PDIA5: variants seen among roughly 807,000 people sequenced by gnomAD.
The protein encoded by PDIA5 is protein disulfide-isomerase A5.
PDIA5 carries 58 observed loss-of-function variants against 77.6 expected under a neutral mutation model. That is an observed-to-expected ratio of 0.75 (90% CI 0.61 to 0.93). The LOEUF (loss-of-function observed/expected upper bound fraction) is 0.93, where lower values mean the gene tolerates loss of function less well. Among genes scored for constraint, PDIA5 ranks in the 40% least tolerant of loss-of-function variants. The pLI, the probability that PDIA5 is intolerant of heterozygous loss-of-function variation, is 0.00. For synonymous variants in PDIA5, 250 were observed against 252.1 expected (o/e 0.99, Z 0.08); for missense variants, 630 against 647.7 (o/e 0.97, Z 0.30).
At chr3:123,099,941 G>A (rs780102144) in intron 3 of PDIA5, among the ~76,000 whole-genome samples, 13 of 152,256 alleles carry the variant, frequency 8.5e-5, no homozygotes, top group Admixed American at 8.5e-4. Context: ...TGAGCCCCCA[G>A]GCAGGAACTG....
intron 5 of PDIA5, among the ~76,000 whole-genome samples, chr3:123,106,329 C>G (rs142537539): frequency 6.0e-4 from 91 of 152,344 alleles, no homozygotes; most frequent in African/African-American, 2.1e-3. Context: ...GGAAATGTCT[C>G]CTTTGGACAA....
At chr3:123,107,684 T>C (rs1934768547) in intron 6 of PDIA5, among the ~76,000 whole-genome samples, 2 of 152,222 alleles carry the variant, frequency 1.3e-5, no homozygotes, top group African/African-American at 4.8e-5. Context: ...CCAGATGGTC[T>C]GTGAGGCAAG....
intron 3 of PDIA5, among the ~76,000 whole-genome samples, chr3:123,093,718 A>G (rs1023134166): frequency 1.3e-5 from 2 of 152,230 alleles, no homozygotes; most frequent in Non-Finnish European, 2.9e-5. Flanking sequence ...CCCAGCGATT[A>G]CAATGTCAGG....
chr3:123,124,235 C>G, intron 9 of PDIA5, 37 bp from the exon 10 acceptor site: 1 of 1,586,620 alleles, frequency 6.3e-7, no homozygotes, highest in Non-Finnish European at 8.7e-7. Context: ...CATTTGCATC[C>G]GTGACTGAGC....
intron 1 of PDIA5, among the ~76,000 whole-genome samples, chr3:123,071,583 A>G (rs1933724132): frequency 6.6e-6 from 1 of 152,250 alleles, no homozygotes; most frequent in Non-Finnish European, 1.5e-5. Flanking sequence ...AGAAATAAAC[A>G]CATTACAGCG....
At chr3:123,090,443 G>T (rs995225497) in intron 2 of PDIA5, among the ~76,000 whole-genome samples, 10 of 152,182 alleles carry the variant, frequency 6.6e-5, no homozygotes, top group South Asian at 4.1e-4. Context: ...CATCATATAA[G>T]CTCATCATAA....
At chr3:123,130,680 C>T (rs1260074150) in intron 11 of PDIA5, 64 bp downstream of exon 11, 12 of 1,558,570 alleles carry the variant, frequency 7.7e-6, no homozygotes, top group African/African-American at 5.4e-5. Flanking sequence ...ATGAGTGTGG[C>T]GCTTTGCAAT....
chr3:123,116,540 T>C (rs2107948171), intron 8 of PDIA5, among the ~76,000 whole-genome samples: 1 of 152,206 alleles, frequency 6.6e-6, no homozygotes, highest in Non-Finnish European at 1.5e-5. Flanking sequence ...AGTGATGAAA[T>C]AGGACACCAG....
intron 3 of PDIA5, among the ~76,000 whole-genome samples, chr3:123,098,846 C>T (rs1210781970): frequency 1.3e-5 from 2 of 152,214 alleles, no homozygotes; most frequent in Non-Finnish European, 2.9e-5. Flanking sequence ...CAAAGCATCT[C>T]GTTTTCCTGC....
chr3:123,149,830 A>G (rs376832220), intron 13 of PDIA5, among the ~76,000 whole-genome samples: 7 of 152,262 alleles, frequency 4.6e-5, no homozygotes, highest in East Asian at 3.9e-4. Flanking sequence ...GCTCTCCACC[A>G]GAACAGAAGC....
chr3:123,147,977 A>G (rs1223914454), intron 13 of PDIA5, among the ~76,000 whole-genome samples: 1 of 152,180 alleles, frequency 6.6e-6, no homozygotes, highest in Non-Finnish European at 1.5e-5. Context: ...AGCGAGCATG[A>G]GGGGCCTCTG....
chr3:123,126,236 C>T (rs1471706659), intron 10 of PDIA5, among the ~76,000 whole-genome samples: 1 of 151,952 alleles, frequency 6.6e-6, no homozygotes, highest in Non-Finnish European at 1.5e-5. Flanking sequence ...TCTCGGCACA[C>T]CCCATCCCGG....
At chr3:123,153,827 T>C (rs1935963503) in intron 14 of PDIA5, among the ~76,000 whole-genome samples, 1 of 152,260 alleles carries the variant, frequency 6.6e-6, no homozygotes, top group Non-Finnish European at 1.5e-5. Context: ...CCAGTCATTA[T>C]TATCTTATTT....
At chr3:123,102,870 T>A in intron 5 of PDIA5, 74 bp downstream of exon 5, 5 of 981,338 alleles carry the variant, frequency 5.1e-6, no homozygotes, top group East Asian at 2.4e-5. Context: ...GTTTTCTCTC[T>A]GAGAAAAGAA....
chr3:123,075,850 A>G (rs975239550), intron 1 of PDIA5, among the ~76,000 whole-genome samples: 1 of 147,802 alleles, frequency 6.8e-6, no homozygotes, highest in Non-Finnish European at 1.5e-5. Flanking sequence ...GTAAAGCTAC[A>G]AAACTAGACA....
chr3:123,146,005 C>T (rs948525660), intron 12 of PDIA5, 94 bp from the exon 13 acceptor site: 19 of 1,205,012 alleles, frequency 1.6e-5, no homozygotes, highest in Non-Finnish European at 2.1e-5. Context: ...CCAGCAGGTC[C>T]AGGATGGGTT....
chr3:123,138,983 G>T (rs1287756026), intron 11 of PDIA5, among the ~76,000 whole-genome samples: 1 of 152,126 alleles, frequency 6.6e-6, no homozygotes, highest in African/African-American at 2.4e-5. Context: ...AAGTATAATT[G>T]AATTTAATGA....
At chr3:123,126,273 G>A (rs150815807) in intron 10 of PDIA5, among the ~76,000 whole-genome samples, 5 of 151,954 alleles carry the variant, frequency 3.3e-5, no homozygotes, top group Admixed American at 6.6e-5. Context: ...GCTCCGGCTG[G>A]CCTGCACCCC....
chr3:123,116,847 A>G (rs1935008879), intron 8 of PDIA5, among the ~76,000 whole-genome samples: 1 of 152,156 alleles, frequency 6.6e-6, no homozygotes, highest in Non-Finnish European at 1.5e-5. Flanking sequence ...GAATGCAGGC[A>G]TTCTCCCAGA....
Sources: allele counts gnomAD v4.1 joint callset (sites outside exome capture counted in the v4.1 genomes callset), GRCh38; gene constraint gnomAD v4.1.1; transcripts MANE v1.5; gene names NCBI Gene and HGNC (gene_info 2026-07-23, HGNC 2026-07-21).